Variants in MT1B observed in about 807,000 individuals in gnomAD.
MT1B encodes metallothionein-1B.
MT1B carries 4 observed loss-of-function variants against 7.9 expected under a neutral mutation model. That is an observed-to-expected ratio of 0.51 (90% CI 0.25 to 1.16). The LOEUF (loss-of-function observed/expected upper bound fraction) is 1.16. Among genes scored for constraint, MT1B ranks in the 50% most tolerant of loss-of-function variants. The pLI is 0.15. For missense variants in MT1B, 76 were observed against 75.2 expected, an observed-to-expected ratio of 1.01 and a Z score of -0.04; for synonymous variants, 22 against 27.6, an observed-to-expected ratio of 0.80 and a Z score of 0.63.
chr16:56,653,119 A>AT lies in MT1B; in HGVS notation c.*65dup, dbSNP rs35231457. The AT allele has an allele frequency of 0.025, 34,498 of 1,384,196 alleles. 179 individuals carry two copies. The highest frequency in any genetic ancestry group is 0.067 in the African/African-American group (4,605 of 68,444). 85.7% of individuals were successfully genotyped at this position (1,384,196 alleles called of 1,614,324 possible). A position where few individuals can be genotyped will look rare whatever the true frequency, so the allele number is the denominator to read the frequency against. ...AATAGAGCAACCAGTACTAACCTGG[A>AT]TTTTTTTTTTTAACTACCCTGACCG... On this transcript the variant is annotated 3_prime_UTR_variant, in exon 3 of 3. Coordinates refer to ENST00000334346, the MANE Select transcript of MT1B (RefSeq NM_005947.3).
chr16:56,652,014 C>A, intron 1 of MT1B, 33 bp downstream of exon 1: 1 of 1,613,616 alleles, frequency 6.2e-7, no homozygotes, highest in Non-Finnish European at 8.5e-7. Flanking sequence ...CCTTGAGATG[C>A]CCATTCCCGG....
At chr16:56,652,363 A>G (rs1218337654) in intron 1 of MT1B, among the ~76,000 whole-genome samples, 6 of 152,072 alleles carry the variant, frequency 3.9e-5, no homozygotes, top group African/African-American at 1.5e-4. Flanking sequence ...TGGAGCTGGG[A>G]CCTTCCTGAT....
intron 2 of MT1B, 58 bp downstream of exon 2, chr16:56,652,694 C>G: frequency 6.3e-7 from 1 of 1,596,648 alleles, no homozygotes; most frequent in Non-Finnish European, 8.6e-7. Flanking sequence ...GAAGGGAACA[C>G]AAGGCTGGCC....
At chr16:56,652,934 C>G (rs867526252) in intron 2 of MT1B, 40 bp from the exon 3 acceptor site, 1 of 1,602,382 alleles carries the variant, frequency 6.2e-7, no homozygotes, top group Middle Eastern at 2.1e-4. Context: ...GGTTCCTGGT[C>G]AAGTCAGCTG....
chr16:56,652,078 T>G (rs541921725), intron 1 of MT1B, 97 bp downstream of exon 1: 1 of 1,481,856 alleles, frequency 6.7e-7, no homozygotes, highest in African/African-American at 1.4e-5. Context: ...AGATGTGAGT[T>G]GAAGGGAACT....
At chr16:56,652,287 C>T (rs1418578317) in intron 1 of MT1B, among the ~76,000 whole-genome samples, 1 of 152,220 alleles carries the variant, frequency 6.6e-6, no homozygotes, top group Non-Finnish European at 1.5e-5. Flanking sequence ...AGGTGGGGGA[C>T]ATAGCCTCTT....
rs35231457 is a variant in MT1B at position 56,653,119 on chromosome 16, ATTTTT to A, written c.*61_*65del. The A allele has an allele frequency of 7.1e-7, 1 of 1,401,044 alleles. No individual in the cohort carries two copies. 86.8% of individuals were successfully genotyped at this position (1,401,044 alleles called of 1,614,324 possible). A position where few individuals can be genotyped will look rare whatever the true frequency, so the allele number is the denominator to read the frequency against. On this transcript the variant is annotated 3_prime_UTR_variant, in exon 3 of 3. Coordinates refer to ENST00000334346, the MANE Select transcript of MT1B (RefSeq NM_005947.3). ...AATAGAGCAACCAGTACTAACCTGGATTTTTTTTTTTAACTACCCTGACCGGTTTG... is the reference window on the plus strand; with the variant it reads ...AATAGAGCAACCAGTACTAACCTGGATTTTTTAACTACCCTGACCGGTTTG...
At chr16:56,652,440 T>A in intron 1 of MT1B, 131 bp from the exon 2 acceptor site, 1 of 907,316 alleles carries the variant, frequency 1.1e-6, no homozygotes, top group Admixed American at 1.9e-5. Flanking sequence ...CTTCTGTTCC[T>A]CCGCTCTGAG....
Position 56,651,961 on chromosome 16 carries a change from C to T in MT1B, c.8C>T (p.Pro3Leu), listed in dbSNP as rs748335275. 1.9e-5 allele frequency: 30 copies of T among 1,614,122 alleles called. No homozygotes were observed. The highest frequency in any genetic ancestry group is 2.1e-5 in the Non-Finnish European group (25 of 1,180,054). The change falls in exon 1 of 3, where the codon CCC becomes CTC. Residue 3 changes from proline to leucine, a missense_variant. Transcript: ENST00000334346. ...GGCTTGTCTTGGCTCCAAATGGATC[C>T]CAACTGCTCCTGCACCACAGGTAAG... MD[P>L]NCSCTTGGSC...
intron 1 of MT1B, among the ~76,000 whole-genome samples, chr16:56,652,278 G>T (rs558030452): frequency 6.6e-6 from 1 of 152,222 alleles, no homozygotes; most frequent in Non-Finnish European, 1.5e-5. Context: ...AAGGGTGAGA[G>T]GTGGGGGACA....
chr16:56,651,951 C>T lies in MT1B; in HGVS notation c.-3C>T, dbSNP rs114713886. ...AGGAACTCCAGGCTTGTCTTGGCTC[C>T]AAATGGATCCCAACTGCTCCTGCAC... On this transcript the variant is annotated 5_prime_UTR_variant, in exon 1 of 3. Transcript: ENST00000334346. The T allele has an allele frequency of 6.2e-4, 1,007 of 1,614,232 alleles. 2 individuals carry two copies. In the African/African-American group the frequency reaches 0.011, roughly 18 times the overall value.
Position 56,653,022 on chromosome 16 carries a change from G to A in MT1B, c.143G>A (p.Cys48Tyr). Residue 48 changes from cysteine to tyrosine, a missense_variant, in exon 3 of 3, where the codon TGT becomes TAT. By Grantham distance (194) the Cys-to-Tyr change is radical (BLOSUM62 -2). Transcript: ENST00000334346. ...PVGCAKCAQG[C>Y]VCKGSSEKCR... ...GGCTGTGCCAAGTGTGCCCAGGGCT[G>A]TGTCTGCAAAGGCTCATCAGAGAAG... 4 of 1,613,822 alleles carry A rather than the reference G, an allele frequency of 2.5e-6. No homozygotes were observed. Among genetic ancestry groups the A allele is most frequent in the Non-Finnish European group, 3.4e-6 (4 of 1,180,000 alleles).
At chr16:56,652,752 G>C (rs1214425773) in intron 2 of MT1B, 116 bp downstream of exon 2, 59 of 1,366,254 alleles carry the variant, frequency 4.3e-5, no homozygotes, top group Non-Finnish European at 6.2e-5. Context: ...CCTGTTGGCT[G>C]TGTCATTCCC....
intron 1 of MT1B, among the ~76,000 whole-genome samples, chr16:56,652,272 G>A (rs1216348778): frequency 6.6e-6 from 1 of 152,230 alleles, no homozygotes; most frequent in Non-Finnish European, 1.5e-5. Flanking sequence ...GCCGGGAAGG[G>A]TGAGAGGTGG....
chr16:56,652,487 G>A, intron 1 of MT1B, 84 bp from the exon 2 acceptor site: 1 of 1,313,542 alleles, frequency 7.6e-7, no homozygotes, highest in African/African-American at 1.4e-5. Context: ...CTGCACAGAG[G>A]ATGGCGCACT....
chr16:56,653,012 G>A lies in MT1B; in HGVS notation c.133G>A (p.Ala45Thr). The change falls in exon 3 of 3, where the codon GCC (alanine) becomes ACC (threonine). Residue 45 changes from alanine to threonine, a missense_variant. By Grantham distance (58) the Ala-to-Thr change is moderately conservative. Transcript: ENST00000334346. ...SCCPVGCAKC[A>T]QGCVCKGSSE... ...CTGCCCCGTGGGCTGTGCCAAGTGTGCCCAGGGCTGTGTCTGCAAAGGCTC... is the reference window on the plus strand; with the variant it reads ...CTGCCCCGTGGGCTGTGCCAAGTGTACCCAGGGCTGTGTCTGCAAAGGCTC... 2 of 1,613,628 alleles carry A rather than the reference G, an allele frequency of 1.2e-6. No individual in the cohort carries two copies. The highest frequency in any genetic ancestry group is 1.7e-6 in the Non-Finnish European group (2 of 1,179,978).
rs775734443 is a variant in MT1B at position 56,651,991 on chromosome 16, G to T, written c.28+10G>T. The T allele has an allele frequency of 3.1e-6, 5 of 1,614,220 alleles. No homozygotes were observed. The highest frequency in any genetic ancestry group is 1.3e-5 in the African/African-American group (1 of 75,056). ...TGCTCCTGCACCACAGGTAAGGGAC[G>T]CCTGGCTCTGGGCCTTGAGATGCCC... On this transcript the variant is annotated intron_variant, in intron 1 of 2. Coordinates refer to ENST00000334346, the MANE Select transcript of MT1B (RefSeq NM_005947.3).
At chr16:56,652,462 C>A in intron 1 of MT1B, 109 bp from the exon 2 acceptor site, 1 of 1,061,320 alleles carries the variant, frequency 9.4e-7, no homozygotes, top group Non-Finnish European at 1.5e-6. Context: ...GGGAAAGGAG[C>A]TCTGATGGCT....
In MT1B at chr16:56,651,922, G is replaced by C. The variant is rs535029608; in HGVS notation, c.-32G>C. 1 of 1,613,984 alleles carries C rather than the reference G, an allele frequency of 6.2e-7. No individual in the cohort carries two copies. Among genetic ancestry groups the C allele is most frequent in the East Asian group, 2.2e-5 (1 of 44,886 alleles). ...CTCCTGCCCTGACTTCTCATATCTT[G>C]CCTAGGAACTCCAGGCTTGTCTTGG... On this transcript the variant is annotated 5_prime_UTR_variant, in exon 1 of 3. Coordinates refer to ENST00000334346, the MANE Select transcript of MT1B (RefSeq NM_005947.3).
Sources: gnomAD v4.1 joint callset for allele counts (sites outside exome capture counted in the v4.1 genomes callset) on GRCh38, gnomAD v4.1.1 for gene constraint, MANE v1.5 for transcripts, NCBI Gene and HGNC (gene_info 2026-07-23, HGNC 2026-07-21) for gene names.